Variants in GON4L observed in about 807,000 individuals in gnomAD.
GON4L encodes GON-4-like protein.
Under a neutral mutation model 211.8 loss-of-function variants are expected in GON4L, and 87 were observed. The ratio of observed to expected loss-of-function variants is 0.41; its 90% CI spans 0.35 to 0.49. GON4L has a LOEUF of 0.49. Ranked by LOEUF, GON4L falls within the 20% of genes least tolerant of loss-of-function variation. The pLI is 0.15. For synonymous variants in GON4L, 875 were observed against 962.6 expected (o/e 0.91, Z 1.68); for missense variants, 2,155 against 2,659.5 (o/e 0.81, Z 4.17).
chr1:155,772,364 C>T (rs569909712), intron 18 of GON4L, among the ~76,000 whole-genome samples: 97 of 152,094 alleles, frequency 6.4e-4, no homozygotes, highest in South Asian at 2.7e-3. Context: ...CTTAAACCGG[C>T]ACCAATACTA....
At position 155,771,058 on chromosome 1, in the gene GON4L, A is replaced by G. The variant is rs1370718046; in HGVS notation, c.2646+9T>C. 6.2e-7 allele frequency: 1 copy of G among 1,614,060 alleles called. No individual in the cohort carries two copies. Among genetic ancestry groups the G allele is most frequent in the Non-Finnish European group, 8.5e-7 (1 of 1,180,030 alleles). On this transcript the variant is annotated intron_variant, in intron 19 of 31. Coordinates refer to ENST00000368331, the MANE Select transcript of GON4L (RefSeq NM_001282860.2). ...AGGTGCCCGGATGGCGCATGCAGGA[A>G]ACACTCACTTTAATGATGTTGTCAG...
chr1:155,777,305 G>A (rs753164548), intron 15 of GON4L, among the ~76,000 whole-genome samples: 2 of 152,184 alleles, frequency 1.3e-5, no homozygotes, highest in Non-Finnish European at 2.9e-5. Flanking sequence ...TAACAGCAGG[G>A]CGCAGTGGCT....
At chr1:155,797,151 G>A (rs941428642) in intron 11 of GON4L, among the ~76,000 whole-genome samples, 1 of 151,682 alleles carries the variant, frequency 6.6e-6, no homozygotes, top group Non-Finnish European at 1.5e-5. Flanking sequence ...GTCTCGCTCT[G>A]TCGCCCAGGC....
At chr1:155,853,103 T>C (rs1274045915) in intron 2 of GON4L, among the ~76,000 whole-genome samples, 173 bp downstream of exon 2, 2 of 151,776 alleles carry the variant, frequency 1.3e-5, no homozygotes, top group African/African-American at 4.8e-5. Context: ...ATGGCAAGAC[T>C]CCGTCTCAAG....
intron 23 of GON4L, 83 bp downstream of exon 23, chr1:155,762,107 G>C (rs950640933): frequency 7.9e-6 from 9 of 1,138,752 alleles, no homozygotes; most frequent in Non-Finnish European, 1.2e-5. Context: ...CTGAAAAACA[G>C]ACTTTATGTT....
At chr1:155,777,918 C>A (rs1663998178) in intron 14 of GON4L, 98 bp from the exon 15 acceptor site, 2 of 769,712 alleles carry the variant, frequency 2.6e-6, no homozygotes, top group Admixed American at 3.8e-5. Flanking sequence ...GAACAATTTT[C>A]ATTCCCTACT....
chr1:155,800,326 G>A (rs1010541866), intron 11 of GON4L, among the ~76,000 whole-genome samples: 2 of 152,132 alleles, frequency 1.3e-5, no homozygotes, highest in African/African-American at 4.8e-5. Context: ...GGGAGGCCAA[G>A]GTGGGTGGAC....
intron 27 of GON4L, chr1:155,756,538 C>A: frequency 5.4e-6 from 1 of 184,648 alleles, no homozygotes; most frequent in Non-Finnish European, 1.1e-5. Context: ...AACTAGAAAC[C>A]TTGGGCCATA....
rs753710690 is a variant in GON4L, at chr1:155,762,153, T to C, written c.4911+37A>G. On this transcript the variant is annotated intron_variant, in intron 23 of 31. Coordinates refer to ENST00000368331, the MANE Select transcript of GON4L (RefSeq NM_001282860.2). ...TCCCTTGAAGAAGCAGCCACATTCATAGAGACTGGCAATAACAGGAAGCAG... is the reference window on the plus strand; with the variant it reads ...TCCCTTGAAGAAGCAGCCACATTCACAGAGACTGGCAATAACAGGAAGCAG... The C allele has an allele frequency of 4.6e-6, 7 of 1,525,106 alleles. No homozygotes were observed. In the South Asian group the frequency reaches 5.8e-5, roughly 13 times the overall value. 94.5% of individuals were successfully genotyped at this position (1,525,106 alleles called of 1,614,324 possible).
intron 3 of GON4L, among the ~76,000 whole-genome samples, chr1:155,824,635 T>C (rs996089275): frequency 1.3e-5 from 2 of 150,106 alleles, no homozygotes; most frequent in Non-Finnish European, 3.0e-5. Context: ...TCCCAGCTAC[T>C]CAGGAGGCTG....
Position 155,765,262 on chromosome 1 carries a change from G to C in GON4L, c.4211C>G (p.Thr1404Arg), listed in dbSNP as rs750025611. 1.5e-5 allele frequency: 25 copies of C among 1,613,954 alleles called. No homozygotes were observed. Among genetic ancestry groups the C allele is most frequent in the Middle Eastern group, 1.6e-4 (1 of 6,084 alleles). The stretch of plus-strand genomic sequence containing the variant: ...CTTTGATGATCCTTTGTTCACATCT[G>C]TCCCTGAGGTTCCTTCATCAGGGGG... ...QEPPDEGTSG[T>R]DVNKGSSKNA... The change falls in exon 21 of 32, where the codon ACA becomes AGA. Residue 1404 changes from threonine to arginine, a missense_variant. Physicochemically the swap from Thr to Arg is moderately conservative, Grantham distance 71. Transcript: ENST00000368331.
chr1:155,801,936 T>G (rs1666708066), intron 11 of GON4L, among the ~76,000 whole-genome samples: 4 of 151,836 alleles, frequency 2.6e-5, no homozygotes, highest in South Asian at 4.2e-4. Flanking sequence ...TGGTCTTGAC[T>G]TCCTGGCCTC....
intron 21 of GON4L, among the ~76,000 whole-genome samples, chr1:155,764,103 C>G (rs1231886625): frequency 2.0e-5 from 3 of 151,788 alleles, no homozygotes; most frequent in Non-Finnish European, 4.4e-5. Context: ...TTCGGCCTGA[C>G]AGCAGGAGAG....
intron 2 of GON4L, chr1:155,845,448 G>T: frequency 2.9e-6 from 1 of 343,478 alleles, no homozygotes; most frequent in Non-Finnish European, 5.8e-6. Flanking sequence ...CATTTCAACA[G>T]AATCAGCAAG....
intron 11 of GON4L, among the ~76,000 whole-genome samples, chr1:155,799,125 G>T (rs115337677): frequency 2.6e-5 from 4 of 152,110 alleles, no homozygotes; most frequent in African/African-American, 9.7e-5. Context: ...AAATCTGTCC[G>T]AATAGGCACA....
At chr1:155,745,365 A>G (rs1322719112), downstream of GON4L, among the ~76,000 whole-genome samples, 1 of 152,218 alleles carries the variant, frequency 6.6e-6, no homozygotes, top group African/African-American at 2.4e-5. Context: ...AAGAGTCGTG[A>G]TCCGTGTGAC....
At chr1:155,811,836 G>A (rs1041480650) in intron 10 of GON4L, among the ~76,000 whole-genome samples, 25 of 149,628 alleles carry the variant, frequency 1.7e-4, no homozygotes, top group African/African-American at 2.7e-4. Flanking sequence ...AGGCTGAGGC[G>A]GGTCAGGAGA....
At chr1:155,750,765 C>T (rs1205694409) in intron 31 of GON4L, 32 bp from the exon 32 acceptor site, 2 of 1,373,384 alleles carry the variant, frequency 1.5e-6, no homozygotes, top group South Asian at 1.3e-5. Context: ...ATTCACTGGT[C>T]TTTTTTTTTT....
Position 155,757,249 on chromosome 1 carries a change from G to C in GON4L, c.5328C>G (p.His1776Gln), listed in dbSNP as rs768751862. Residue 1776 changes from histidine (H) to glutamine (Q), a missense_variant, in exon 26 of 32, where the codon CAC (histidine) becomes CAG (glutamine). His to Gln is a conservative substitution (Grantham distance 24, BLOSUM62 0). Around this residue, in one of 6 missense-constraint regions of GON4L, gnomAD observed 455 missense variants for 504.6 expected, o/e 0.90. Transcript: ENST00000368331. ...LQDEFSIFFD[H>Q]LRPAASRMGD... ...CCATCCGGCTAGCTGCTGGGCGCAA[G>C]TGGTCAAAGAAGATAGAAAACTCAT... 1 of 1,613,974 alleles carries C rather than the reference G, an allele frequency of 6.2e-7. No individual in the cohort carries two copies. Among genetic ancestry groups the C allele is most frequent in the Non-Finnish European group, 8.5e-7 (1 of 1,179,856 alleles).
Sources: gnomAD v4.1 joint callset for allele counts (sites outside exome capture counted in the v4.1 genomes callset) on GRCh38, gnomAD v4.1.1 for gene constraint, gnomAD v4.1.1 regional missense constraint, MANE v1.5 for transcripts, NCBI Gene and HGNC (gene_info 2026-07-23, HGNC 2026-07-21) for gene names.